Variants in UBFD1 observed in about 807,000 individuals in gnomAD.
UBFD1 encodes the protein ubiquitin domain-containing protein UBFD1.
A neutral mutation model predicts 35.1 loss-of-function variants in UBFD1; 12 were observed. The observed-to-expected ratio is 0.34, with a 90% CI of 0.22 to 0.55. The LOEUF (loss-of-function observed/expected upper bound fraction) is 0.55. UBFD1 is among the 20% of genes least tolerant of loss of function. The pLI, the probability that UBFD1 is intolerant of heterozygous loss-of-function variation, is 0.89. For synonymous variants in UBFD1, 178 were observed against 167.6 expected, an observed-to-expected ratio of 1.06 and a Z score of -0.48; for missense variants, 337 against 410.8, an observed-to-expected ratio of 0.82 and a Z score of 1.55.
chr16:23,574,128 T>C lies in UBFD1; in HGVS notation c.*3538T>C, dbSNP rs993625136. On this transcript the variant is annotated 3_prime_UTR_variant, in exon 7 of 7. Transcript: ENST00000395878. ...CTGCCAGGCTGGGTGGTTCTACTGC[T>C]TTCTCAATTTCTAAGAACCTTTTTT... 3 of 152,670 alleles carry C rather than the reference T, an allele frequency of 2.0e-5. No homozygotes were observed. Among genetic ancestry groups the C allele is most frequent in the African/African-American group, 7.2e-5 (3 of 41,464 alleles). The allele number at this position is 152,670 out of a possible 1,614,324, so 9.5% of individuals were successfully genotyped here.
chr16:23,561,943 G>A, intron 3 of UBFD1: 2 of 354,316 alleles, frequency 5.6e-6, no homozygotes, highest in Non-Finnish European at 1.0e-5. Flanking sequence ...TAAGAATTCA[G>A]TTCCTCAGTC....
chr16:23,567,472 C>T (rs1014433566), intron 6 of UBFD1, among the ~76,000 whole-genome samples: 1 of 152,194 alleles, frequency 6.6e-6, no homozygotes, highest in African/African-American at 2.4e-5. Context: ...TTGGTGAGGG[C>T]ACCAGACAGC....
At chr16:23,559,183 G>A (rs922234086) in intron 2 of UBFD1, 1 of 297,392 alleles carries the variant, frequency 3.4e-6, no homozygotes, top group Non-Finnish European at 6.4e-6. Context: ...GAAAGAATGA[G>A]AGCTAGTACT....
chr16:23,562,543 C>T, intron 4 of UBFD1, 82 bp from the exon 5 acceptor site: 10 of 1,311,738 alleles, frequency 7.6e-6, no homozygotes, highest in Non-Finnish European at 9.6e-6. Flanking sequence ...GCTGGGATTA[C>T]AGGCGTGAGC....
At chr16:23,559,067 A>G (rs1965884038) in intron 2 of UBFD1, 1 of 156,588 alleles carries the variant, frequency 6.4e-6, no homozygotes, top group Admixed American at 6.4e-5. Context: ...TAGCCTTGTA[A>G]TCTCCATTAA....
Position 23,567,068 on chromosome 16 carries a change from T to C in UBFD1, c.818T>C (p.Met273Thr). The change falls in exon 6 of 7, where the codon ATG (methionine) becomes ACG (threonine). Residue 273 changes from methionine (M) to threonine (T), a missense_variant and splice_region_variant. Physicochemically the swap from Met to Thr is moderately conservative, Grantham distance 81. This residue lies in a region of UBFD1 where 71 missense variants were observed against 149.6 expected (regional missense o/e 0.47). Coordinates refer to ENST00000395878, the MANE Select transcript of UBFD1 (RefSeq NM_019116.3). Reference sequence around the variant, plus strand: ...GAAGGACATGAAGACTACCACATGATGGTAAGTAGCGCTGGCTGAGTTCAG... The same window carrying C: ...GAAGGACATGAAGACTACCACATGACGGTAAGTAGCGCTGGCTGAGTTCAG... ...PIEGHEDYHM[M>T]AFQLGPTEAS... 1 of 1,614,062 alleles carries C rather than the reference T, an allele frequency of 6.2e-7. No individual in the cohort carries two copies. The highest frequency in any genetic ancestry group is 8.5e-7 in the Non-Finnish European group (1 of 1,179,980).
intron 3 of UBFD1, chr16:23,561,989 C>T (rs893683386): frequency 2.0e-6 from 1 of 503,210 alleles, no homozygotes; most frequent in Admixed American, 3.8e-5. Context: ...ATAGTCACAG[C>T]AGTAGGTAGT....
intron 2 of UBFD1, 100 bp from the exon 3 acceptor site, chr16:23,559,368 C>A: frequency 1.0e-6 from 1 of 970,796 alleles, no homozygotes; most frequent in Admixed American, 2.5e-5. Flanking sequence ...GTGGTGGAGG[C>A]AGTATTCACT....
rs776559495 is a variant in UBFD1 at position 23,571,832 on chromosome 16, G to A, written c.*1242G>A. ...TCTGGTTTTAGCCCTTCTGTTCTCT[G>A]TACACGTGAACTTCTGTCATCTCCT... On this transcript the variant is annotated 3_prime_UTR_variant, in exon 7 of 7. Coordinates refer to ENST00000395878, the MANE Select transcript of UBFD1 (RefSeq NM_019116.3). The A allele has an allele frequency of 3.3e-5, 5 of 152,636 alleles. No individual in the cohort carries two copies. Among genetic ancestry groups the A allele is most frequent in the Non-Finnish European group, 7.3e-5 (5 of 68,056 alleles). The allele number at this position is 152,636 out of a possible 1,614,324, so 9.5% of individuals were successfully genotyped here.
In UBFD1 at chr16:23,562,714, G is replaced by A; in HGVS notation, c.720G>A (p.Leu240=). The A allele has an allele frequency of 6.2e-7, 1 of 1,614,130 alleles. No individual in the cohort carries two copies. ...CCTTTAAACTAGAACAAGACCAGCT[G>A]TGGATTGGCACTAAAGGTATGTTCT... ...RLTFKLEQDQ[L]WIGTKERTEK... The change falls in exon 5 of 7, where the codon CTG becomes CTA. Residue 240 remains leucine, a synonymous_variant. Transcript: ENST00000395878.
At chr16:23,558,359 C>T (rs1965860772) in intron 2 of UBFD1, 80 bp downstream of exon 2, 1 of 1,519,548 alleles carries the variant, frequency 6.6e-7, no homozygotes, top group Non-Finnish European at 8.8e-7. Flanking sequence ...CACCTGGTGG[C>T]TTTCCTTGCA....
At position 23,574,274 on chromosome 16, in the gene UBFD1, C is replaced by T. The variant is rs906551417; in HGVS notation, c.*3684C>T. On this transcript the variant is annotated 3_prime_UTR_variant, in exon 7 of 7. Coordinates refer to ENST00000395878, the MANE Select transcript of UBFD1 (RefSeq NM_019116.3). ...AAATGCCTGTTTGGGAGGAGATGAACGTATTTAGTCTATTAGATTTGCACT... is the reference window on the plus strand; with the variant it reads ...AAATGCCTGTTTGGGAGGAGATGAATGTATTTAGTCTATTAGATTTGCACT... The T allele has an allele frequency of 1.3e-5, 2 of 152,294 alleles. No individual in the cohort carries two copies. The highest frequency in any genetic ancestry group is 6.6e-5 in the Admixed American group (1 of 15,250). The allele number at this position is 152,294 out of a possible 1,614,324, so 9.4% of individuals were successfully genotyped here.
chr16:23,558,021 T>C lies in UBFD1; in HGVS notation c.97T>C (p.Cys33Arg). ...TGAGGCTCCCGCGCGGCCCGTCAAC[T>C]GCCTGGAGGCTGAAGCCGCGGCGGG... is the stretch of plus-strand genomic sequence containing the variant. ...ATEAPARPVN[C>R]LEAEAAAGAA... The change falls in exon 2 of 7, where the codon TGC becomes CGC. Residue 33 changes from cysteine to arginine, a missense_variant. Physicochemically the swap from Cys to Arg is radical, Grantham distance 180. This residue lies in a region of UBFD1 where 198 missense variants were observed against 168.4 expected (regional missense o/e 1.18). Coordinates refer to ENST00000395878, the MANE Select transcript of UBFD1 (RefSeq NM_019116.3). The C allele has an allele frequency of 1.5e-6, 2 of 1,356,624 alleles. No individual in the cohort carries two copies. Among genetic ancestry groups the C allele is most frequent in the Non-Finnish European group, 1.9e-6 (2 of 1,058,768 alleles). The allele number at this position is 1,356,624 out of a possible 1,614,324, so 84.0% of individuals were successfully genotyped here. A position where few individuals can be genotyped will look rare whatever the true frequency, so the allele number is the denominator to read the frequency against.
At chr16:23,570,225 A>G (rs1165501097) in intron 6 of UBFD1, among the ~76,000 whole-genome samples, 2 of 152,148 alleles carry the variant, frequency 1.3e-5, no homozygotes, top group Non-Finnish European at 2.9e-5. Flanking sequence ...CTGCTGATCC[A>G]TGTTCCAGCA....
chr16:23,567,069 G>A lies in UBFD1; in HGVS notation c.819G>A (p.Met273Ile). 1 of 1,613,970 alleles carries A rather than the reference G, an allele frequency of 6.2e-7. No homozygotes were observed. The highest frequency in any genetic ancestry group is 1.1e-5 in the South Asian group (1 of 91,066). ...AAGGACATGAAGACTACCACATGAT[G>A]GTAAGTAGCGCTGGCTGAGTTCAGC... The part of the protein sequence containing the change: ...PIEGHEDYHM[M>I]AFQLGPTEAS... The change falls in exon 6 of 7, where the codon ATG (methionine) becomes ATA (isoleucine). Residue 273 changes from methionine (M) to isoleucine (I), a missense_variant and splice_region_variant. By Grantham distance (10) the Met-to-Ile change is conservative (BLOSUM62 1). Transcript: ENST00000395878.
chr16:23,565,434 T>G (rs552514566), intron 5 of UBFD1: 2 of 152,054 alleles, frequency 1.3e-5, no homozygotes, highest in African/African-American at 4.8e-5. Flanking sequence ...TGATCAGGAG[T>G]GTGGGTCCAG....
intron 5 of UBFD1, 191 bp from the exon 6 acceptor site, chr16:23,566,795 TC>T: frequency 1.8e-6 from 1 of 544,500 alleles, no homozygotes; most frequent in Non-Finnish European, 3.3e-6. Flanking sequence ...CCTACGGAGT[TC>T]CCAGCTCCCA....
At position 23,574,370 on chromosome 16, in the gene UBFD1, G is replaced by A. The variant is rs1301546753; in HGVS notation, c.*3780G>A. The A allele has an allele frequency of 6.6e-6, 1 of 152,612 alleles. No homozygotes were observed. Among genetic ancestry groups the A allele is most frequent in the East Asian group, 1.9e-4 (1 of 5,182 alleles). 9.5% of individuals were successfully genotyped at this position (152,612 alleles called of 1,614,324 possible). A position where few individuals can be genotyped will look rare whatever the true frequency, so the allele number is the denominator to read the frequency against. On this transcript the variant is annotated 3_prime_UTR_variant, in exon 7 of 7. Transcript: ENST00000395878. The stretch of plus-strand genomic sequence containing the variant: ...GTTTATCCTGTAAGATTAGTCAATC[G>A]ATTAAAGTTTGATAATTAATTGCGT...
intron 6 of UBFD1, 126 bp from the exon 7 acceptor site, chr16:23,570,354 C>G: frequency 1.4e-6 from 1 of 733,344 alleles, no homozygotes; most frequent in Non-Finnish European, 2.3e-6. Flanking sequence ...TCCCCACGTG[C>G]AAAGTTTTGT....
Sources: gnomAD v4.1 joint callset for allele counts (sites outside exome capture counted in the v4.1 genomes callset) on GRCh38, gnomAD v4.1.1 for gene constraint, gnomAD v4.1.1 regional missense constraint, MANE v1.5 for transcripts, NCBI Gene and HGNC (gene_info 2026-07-23, HGNC 2026-07-21) for gene names.